Variants in DIO2 observed in about 807,000 individuals in gnomAD.
DIO2 encodes the protein iodothyronine deiodinase 2.
In DIO2, 19 loss-of-function variants were observed where a neutral mutation model predicts 21.4. The ratio of observed to expected loss-of-function variants is 0.89; its 90% CI spans 0.62 to 1.30. The LOEUF (loss-of-function observed/expected upper bound fraction) is 1.30, where lower values mean the gene tolerates loss of function less well. Ranked by LOEUF, DIO2 falls within the 50% of genes most tolerant of loss-of-function variation. DIO2 has a pLI of 0.00. For synonymous variants in DIO2, 122 were observed against 132.9 expected (o/e 0.92, Z 0.57); for missense variants, 302 against 338.1 (o/e 0.89, Z 0.84).
rs779464951 is a variant in DIO2, at chr14:80,202,676, TATAATC to T, written c.*7_*12del. The T allele has an allele frequency of 6.3e-6, 10 of 1,597,372 alleles. No individual in the cohort carries two copies. The highest frequency in any genetic ancestry group is 6.8e-6 in the Non-Finnish European group (8 of 1,171,192). ...AACTTTTTAAAACAATAAGCTCTCT[TATAATC>T]ATACCTTTAACCAGCTAATCTAGTT... On this transcript the variant is annotated 3_prime_UTR_variant, in exon 2 of 2. Transcript: ENST00000438257.
chr14:80,203,834 T>C (rs1364389603), intron 1 of DIO2, among the ~76,000 whole-genome samples: 1 of 152,212 alleles, frequency 6.6e-6, no homozygotes, highest in African/African-American at 2.4e-5. Flanking sequence ...CTTGGCCAGA[T>C]CTAGAAAACC....
At position 80,198,044 on chromosome 14, in the gene DIO2, C is replaced by A. The variant is rs536842584; in HGVS notation, c.*4645G>T. 6.5e-6 allele frequency: 1 copy of A among 152,766 alleles called. No individual in the cohort carries two copies. Among genetic ancestry groups the A allele is most frequent in the Admixed American group, 6.5e-5 (1 of 15,294 alleles). 9.5% of individuals were successfully genotyped at this position (152,766 alleles called of 1,614,324 possible). ...TAATACACATAAAAACCACGCTGAC[C>A]AGTGACATGGGCCTGGAGAAGTCTT... On this transcript the variant is annotated 3_prime_UTR_variant, in exon 2 of 2. Transcript: ENST00000438257.
chr14:80,206,410 G>A, intron 1 of DIO2: 4 of 799,410 alleles, frequency 5.0e-6, no homozygotes, highest in Non-Finnish European at 7.8e-6. Context: ...ATTCTAAAAG[G>A]ATATTACTGT....
At chr14:80,214,702 G>GAAT (rs528727854), upstream of DIO2, among the ~76,000 whole-genome samples, 311 of 152,084 alleles carry the variant, frequency 2.0e-3, no homozygotes, top group Middle Eastern at 3.4e-3. Context: ...TTTTATGCAT[G>GAAT]GTGCACAATT....
rs1355265132 is a variant in DIO2 at position 80,211,319 on chromosome 14, G to C, written c.154C>G (p.Arg52Gly). The C allele has an allele frequency of 1.5e-5, 24 of 1,613,520 alleles. No individual in the cohort carries two copies. The highest frequency in any genetic ancestry group is 1.1e-4 in the African/African-American group (8 of 74,876). The change falls in exon 1 of 2, where the codon CGG becomes GGG. Residue 52 changes from arginine to glycine, a missense_variant. Transcript: ENST00000438257. The stretch of plus-strand genomic sequence containing the variant: ...AGTCCCTCTGAGGTCAGCATGCGCC[G>C]CCACTCTCCGCGAGTGGACTTGGAG... ...SRSKSTRGEW[R>G]RMLTSEGLRC...
In DIO2 at chr14:80,205,783, TG is replaced by T. The variant is rs5809988; in HGVS notation, c.223-2496del. 4.5e-3 allele frequency: 5,265 copies of T among 1,164,094 alleles called. 206 individuals carry two copies. In the African/African-American group the frequency reaches 0.077, roughly 17 times the overall value. The allele number at this position is 1,164,094 out of a possible 1,614,324, so 72.1% of individuals were successfully genotyped here. A position where few individuals can be genotyped will look rare whatever the true frequency, so the allele number is the denominator to read the frequency against. On this transcript the variant is annotated intron_variant, in intron 1 of 1. Transcript: ENST00000438257. Reference sequence around the variant, plus strand: ...GTTACCAAATTCGTAATGCTCTTTATGGGGGGGATTTAGCATTTTGTTAGGA... The same window carrying T: ...GTTACCAAATTCGTAATGCTCTTTATGGGGGGATTTAGCATTTTGTTAGGA...
chr14:80,211,576 AGGTTGGGGGTTGGGGG>A, upstream of DIO2: 1 of 14,460 alleles, frequency 6.9e-5, no homozygotes, highest in Non-Finnish European at 1.3e-4. Flanking sequence ...GTAAGGGGGA[AGGTTGGGGGTTGGGGG>A]AGAAGGGGAA....
chr14:80,208,191 G>A (rs6574551), intron 1 of DIO2, among the ~76,000 whole-genome samples: 24,822 of 151,988 alleles, frequency 0.16, 2,834 homozygotes, highest in African/African-American at 0.31. Flanking sequence ...ATGCAATGAC[G>A]CTGACTAAAG....
Position 80,203,264 on chromosome 14 carries a change from T to C in DIO2, c.247A>G (p.Asn83Asp), listed in dbSNP as rs1378773762. The change falls in exon 2 of 2, where the codon AAT becomes GAT. Residue 83 changes from asparagine to aspartate, a missense_variant. By Grantham distance (23) the Asn-to-Asp change is conservative. Coordinates refer to ENST00000438257, the MANE Select transcript of DIO2 (RefSeq NM_013989.5). Reference sequence around the variant, plus strand: ...CTGGAGACATGCACCACACTGGAATTGGGGGCATCCTCACCCAATTTCACC... The same window carrying C: ...CTGGAGACATGCACCACACTGGAATCGGGGGCATCCTCACCCAATTTCACC... ...KQVKLGEDAP[N>D]SSVVHVSSTE... is the part of the protein sequence containing the mutation. The C allele has an allele frequency of 1.3e-6, 2 of 1,588,900 alleles. No homozygotes were observed. The highest frequency in any genetic ancestry group is 1.7e-6 in the Non-Finnish European group (2 of 1,167,616).
intron 2 of DIO2, among the ~76,000 whole-genome samples, chr14:80,218,660 T>C (rs1888403167): frequency 6.6e-6 from 1 of 152,164 alleles, no homozygotes; most frequent in African/African-American, 2.4e-5. Context: ...GACAATGTGC[T>C]TATCAAAGTA....
At chr14:80,225,755 T>G (rs1398222433) in intron 2 of DIO2, among the ~76,000 whole-genome samples, 2 of 152,184 alleles carry the variant, frequency 1.3e-5, no homozygotes, top group Admixed American at 1.3e-4. Context: ...GCTGTTATAG[T>G]TTCCCATTGA....
chr14:80,215,250 G>GA (rs913838615), upstream of DIO2, among the ~76,000 whole-genome samples: 6 of 152,148 alleles, frequency 3.9e-5, no homozygotes, highest in African/African-American at 1.2e-4. Flanking sequence ...GGCTTTTTAT[G>GA]AAAAAACCTT....
At chr14:80,208,696 A>G (rs2140004784) in intron 1 of DIO2, among the ~76,000 whole-genome samples, 1 of 152,324 alleles carries the variant, frequency 6.6e-6, no homozygotes, top group East Asian at 1.9e-4. Flanking sequence ...GACTACACCC[A>G]AAGACAGTGG....
At chr14:80,230,712 G>T (rs1888669330) in intron 2 of DIO2, among the ~76,000 whole-genome samples, 1 of 152,122 alleles carries the variant, frequency 6.6e-6, no homozygotes, top group African/African-American at 2.4e-5. Context: ...TAGAATTAGA[G>T]TCCTTAGCAT....
chr14:80,205,712 T>C (rs1887924794), intron 1 of DIO2: 1 of 1,323,552 alleles, frequency 7.6e-7, no homozygotes, highest in African/African-American at 1.5e-5. Context: ...TTGGGAAATT[T>C]AGAGTAAGTA....
Position 80,198,010 on chromosome 14 carries a change from C to A in DIO2, c.*4679G>T, listed in dbSNP as rs2139987695. The A allele has an allele frequency of 6.5e-6, 1 of 152,752 alleles. No individual in the cohort carries two copies. Among genetic ancestry groups the A allele is most frequent in the East Asian group, 1.9e-4 (1 of 5,186 alleles). The allele number at this position is 152,752 out of a possible 1,614,324, so 9.5% of individuals were successfully genotyped here. A position where few individuals can be genotyped will look rare whatever the true frequency, so the allele number is the denominator to read the frequency against. On this transcript the variant is annotated 3_prime_UTR_variant, in exon 2 of 2. Coordinates refer to ENST00000438257, the MANE Select transcript of DIO2 (RefSeq NM_013989.5). ...TACTGGATACTTATTTCTTCACATC[C>A]CCCAATCCTAATACACATAAAAACC...
chr14:80,212,564 A>G (rs1888250150), upstream of DIO2, among the ~76,000 whole-genome samples: 2 of 152,316 alleles, frequency 1.3e-5, no homozygotes, highest in South Asian at 4.2e-4. Flanking sequence ...AGGCAGGTAG[A>G]AAAAAGGAAG....
In DIO2 at chr14:80,201,861, C is replaced by T. The variant is rs1887738109; in HGVS notation, c.*828G>A. ...ATTCTCTATGCCACTTTTAGTTGAGCTCCTTCTTCTTTTTCTGGCCTTGTG... is the reference window on the plus strand; with the variant it reads ...ATTCTCTATGCCACTTTTAGTTGAGTTCCTTCTTCTTTTTCTGGCCTTGTG... On this transcript the variant is annotated 3_prime_UTR_variant, in exon 2 of 2. Coordinates refer to ENST00000438257, the MANE Select transcript of DIO2 (RefSeq NM_013989.5). The T allele has an allele frequency of 6.6e-6, 1 of 152,388 alleles. No individual in the cohort carries two copies. Among genetic ancestry groups the T allele is most frequent in the Admixed American group, 6.6e-5 (1 of 15,244 alleles). 9.4% of individuals were successfully genotyped at this position (152,388 alleles called of 1,614,324 possible). A position where few individuals can be genotyped will look rare whatever the true frequency, so the allele number is the denominator to read the frequency against.
chr14:80,228,882 C>T (rs1165780065), intron 2 of DIO2, among the ~76,000 whole-genome samples: 1 of 152,114 alleles, frequency 6.6e-6, no homozygotes, highest in Non-Finnish European at 1.5e-5. Flanking sequence ...AGCTCAGAGC[C>T]AGTGTCAAGT....
Sources: allele counts gnomAD v4.1 joint callset (sites outside exome capture counted in the v4.1 genomes callset), GRCh38; gene constraint gnomAD v4.1.1; transcripts MANE v1.5; gene names NCBI Gene and HGNC (gene_info 2026-07-23, HGNC 2026-07-21).